Variants in SLC6A9 observed in about 807,000 individuals in gnomAD.
SLC6A9 encodes the protein sodium- and chloride-dependent glycine transporter 1.
A neutral mutation model predicts 70.9 loss-of-function variants in SLC6A9; 31 were observed. The ratio of observed to expected loss-of-function variants is 0.44; its 90% CI spans 0.33 to 0.59. The LOEUF (loss-of-function observed/expected upper bound fraction) is 0.59, where lower values mean the gene tolerates loss of function less well. Among genes scored for constraint, SLC6A9 ranks in the 20% least tolerant of loss-of-function variants. SLC6A9 has a pLI of 0.04. For missense variants in SLC6A9, 631 were observed against 845.2 expected (o/e 0.75, Z 3.14); for synonymous variants, 310 against 341.3 (o/e 0.91, Z 1.01).
chr1:44,019,748 C>T (rs1488004854), intron 2 of SLC6A9, among the ~76,000 whole-genome samples: 1 of 152,244 alleles, frequency 6.6e-6, no homozygotes, highest in Non-Finnish European at 1.5e-5. Flanking sequence ...ATGCTGACTC[C>T]CCCAGCTCCC....
At chr1:44,023,601 G>A (rs908250526) in intron 2 of SLC6A9, among the ~76,000 whole-genome samples, 9 of 152,066 alleles carry the variant, frequency 5.9e-5, no homozygotes, top group South Asian at 2.1e-4. Flanking sequence ...CTGAGATCAC[G>A]CCACTGCACT....
intron 2 of SLC6A9, among the ~76,000 whole-genome samples, chr1:44,015,418 A>G (rs1475620112): frequency 6.6e-6 from 1 of 152,174 alleles, no homozygotes; most frequent in Admixed American, 6.6e-5. Flanking sequence ...CCCCTCTGGG[A>G]CCCAGCAGGC....
chr1:43,997,855 C>T lies in SLC6A9; in HGVS notation c.1707G>A (p.Gln569=). 1 of 1,606,648 alleles carries T rather than the reference C, an allele frequency of 6.2e-7. No individual in the cohort carries two copies. The change falls in exon 13 of 14, where the codon CAG becomes CAA. Residue 569 remains glutamine, a splice_region_variant and synonymous_variant. Transcript: ENST00000372310. The surrounding 1 kb of genome is among the most constrained non-coding windows in gnomAD (Gnocchi z 4.4). ...LCRTDGDTLL[Q]RLKNATKPSR... Reference sequence around the variant, plus strand: ...CTACCCAGCCTGTCCCTGCCCTCACCTGGAGGAGGGTGTCCCCGTCTGTGC... The same window carrying T: ...CTACCCAGCCTGTCCCTGCCCTCACTTGGAGGAGGGTGTCCCCGTCTGTGC...
rs921762725 is a variant in SLC6A9 at position 44,013,907 on chromosome 1, C to A, written c.31-3025G>T. ...GTATGGCTTTTTTTCTCCCTCCTTG[C>A]ATAATCTTTCCTATTCTAAGCCTCT... On this transcript the variant is annotated intron_variant, in intron 2 of 13. Coordinates refer to ENST00000372310, the MANE Select transcript of SLC6A9 (RefSeq NM_001024845.3). The surrounding 1 kb of genome is among the most constrained non-coding windows in gnomAD (Gnocchi z 5.3). Among the ~76,000 whole-genome samples the A allele has an allele frequency of 1.3e-5, 2 of 152,114 alleles. No individual in the cohort carries two copies. The highest frequency in any genetic ancestry group is 4.8e-5 in the African/African-American group (2 of 41,428).
chr1:44,009,936 T>C, intron 4 of SLC6A9, 29 bp downstream of exon 4: 1 of 1,611,024 alleles, frequency 6.2e-7, no homozygotes, highest in Non-Finnish European at 8.5e-7. Flanking sequence ...TTTGTGTATG[T>C]GTGAGCGAGT....
Position 44,008,490 on chromosome 1 carries a change from C to T in SLC6A9, c.453G>A (p.Trp151Ter), listed in dbSNP as rs1461621348. 1 of 1,614,006 alleles carries T rather than the reference C, an allele frequency of 6.2e-7. No homozygotes were observed. Among genetic ancestry groups the T allele is most frequent in the East Asian group, 2.2e-5 (1 of 44,884 alleles). ...VLPWAYCNNPWNTHDCAGVLD... is the reference protein window; with the variant it reads ...VLPWAYCNNP ...GTACACCGGCGCAGTCATGCGTGTT[C>T]CAGGGGTTATTGCAGTAGGCCCAGG... The change falls in exon 5 of 14, where the codon TGG becomes TGA. Residue 151 changes from tryptophan to a stop codon, truncating the protein, a stop_gained. Coordinates refer to ENST00000372310, the MANE Select transcript of SLC6A9 (RefSeq NM_001024845.3). LOFTEE classifies it high-confidence loss of function.
chr1:44,000,979 C>A lies in SLC6A9; in HGVS notation c.1412G>T (p.Cys471Phe). ...FSLVVISCIM[C>F]VAIMYIYGHR... ...ACCGTAGATGTACATGATGGCCACACACATGATGCAGGAGATGACCACCAA... is the reference window on the plus strand; with the variant it reads ...ACCGTAGATGTACATGATGGCCACAAACATGATGCAGGAGATGACCACCAA... The change falls in exon 11 of 14, where the codon TGT (cysteine) becomes TTT (phenylalanine). Residue 471 changes from cysteine (C) to phenylalanine (F), a missense_variant. Physicochemically the swap from Cys to Phe is radical, Grantham distance 205. Transcript: ENST00000372310. 6.3e-7 allele frequency: 1 copy of A among 1,595,856 alleles called. No homozygotes were observed.
chr1:44,003,571 A>G (rs546043097), intron 5 of SLC6A9, among the ~76,000 whole-genome samples: 1 of 152,204 alleles, frequency 6.6e-6, no homozygotes, highest in Admixed American at 6.5e-5. Flanking sequence ...AGCCTGGCCA[A>G]TATGGTGAAA....
intron 2 of SLC6A9, among the ~76,000 whole-genome samples, chr1:44,015,202 C>T (rs959459033): frequency 4.6e-5 from 7 of 152,206 alleles, no homozygotes; most frequent in South Asian, 2.1e-4. Flanking sequence ...CAGAGCGAAC[C>T]GGGCCAGCCC....
intron 1 of SLC6A9, among the ~76,000 whole-genome samples, chr1:44,025,756 C>T (rs2086971553): frequency 6.6e-6 from 1 of 151,474 alleles, no homozygotes; most frequent in East Asian, 2.0e-4. Context: ...GCCGAGATTG[C>T]GCGACTGCAC....
Position 43,997,876 on chromosome 1 carries a change from T to A in SLC6A9, c.1686A>T (p.Thr562=). The change falls in exon 13 of 14, where the codon ACA becomes ACT. Residue 562 remains threonine, a synonymous_variant. Coordinates refer to ENST00000372310, the MANE Select transcript of SLC6A9 (RefSeq NM_001024845.3). The surrounding 1 kb of genome is among the most constrained non-coding windows in gnomAD (Gnocchi z 4.4). ...PLYAMFRLCR[T]DGDTLLQRLK... is the part of the protein sequence containing the mutation. ...TCACCTGGAGGAGGGTGTCCCCGTC[T>A]GTGCGGCAGAGCCGGAACATGGCGT... is the stretch of plus-strand genomic sequence containing the variant. 3 of 1,612,302 alleles carry A rather than the reference T, an allele frequency of 1.9e-6. No individual in the cohort carries two copies. Among genetic ancestry groups the A allele is most frequent in the Non-Finnish European group, 2.5e-6 (3 of 1,178,942 alleles).
intron 2 of SLC6A9, chr1:44,011,784 T>C: frequency 6.5e-7 from 1 of 1,537,258 alleles, no homozygotes; most frequent in South Asian, 1.2e-5. Context: ...CAGGGAAGAA[T>C]GTGGGGCCTG....
intron 5 of SLC6A9, among the ~76,000 whole-genome samples, chr1:44,005,032 G>T (rs993495459): frequency 5.9e-4 from 90 of 152,296 alleles, no homozygotes; most frequent in African/African-American, 2.1e-3. Flanking sequence ...GATTTAGGCT[G>T]CATTATCTCA....
rs575804422 is a variant in SLC6A9 at position 44,023,382 on chromosome 1, C to A, written c.30+866G>T. ...CCCAGGCCGGGTGCGGTGGCTCACA[C>A]CTGTAATCTCAGCACTTTGGAAGGC... On this transcript the variant is annotated intron_variant, in intron 2 of 13. Coordinates refer to ENST00000372310, the MANE Select transcript of SLC6A9 (RefSeq NM_001024845.3). Among the ~76,000 whole-genome samples the A allele has an allele frequency of 9.9e-5, 15 of 152,284 alleles. 1 individual carries two copies. In the South Asian group the frequency reaches 3.1e-3, roughly 32 times the overall value.
chr1:43,999,056 T>C (rs1211008874), intron 12 of SLC6A9, among the ~76,000 whole-genome samples: 1 of 151,612 alleles, frequency 6.6e-6, no homozygotes, highest in East Asian at 2.0e-4. Flanking sequence ...TATTCTAGAA[T>C]GCAAGACCCA....
intron 1 of SLC6A9, among the ~76,000 whole-genome samples, chr1:44,030,175 A>G (rs1243221304): frequency 6.6e-6 from 1 of 152,074 alleles, no homozygotes; most frequent in Non-Finnish European, 1.5e-5. Flanking sequence ...GTCTGGGAGC[A>G]GCGGCACCGC....
At position 43,997,527 on chromosome 1, in the gene SLC6A9, C is replaced by G; in HGVS notation, c.*18G>C. 1 of 1,608,426 alleles carries G rather than the reference C, an allele frequency of 6.2e-7. No homozygotes were observed. Among genetic ancestry groups the G allele is most frequent in the Non-Finnish European group, 8.5e-7 (1 of 1,176,250 alleles). On this transcript the variant is annotated 3_prime_UTR_variant, in exon 14 of 14. Transcript: ENST00000372310. This position sits in a 1 kb window ranked among gnomAD's most constrained non-coding sequence, Gnocchi z 4.4. ...GGAGCACGGGGTGGGGGTGGGGCCACTCCCCTGGCAGCTGTGCTCATATCC... is the reference window on the plus strand; with the variant it reads ...GGAGCACGGGGTGGGGGTGGGGCCAGTCCCCTGGCAGCTGTGCTCATATCC...
At chr1:44,028,123 A>G (rs7523468) in intron 1 of SLC6A9, among the ~76,000 whole-genome samples, 97,602 of 152,072 alleles carry the variant, frequency 0.64, 32,135 homozygotes, top group African/African-American at 0.78. Flanking sequence ...GGGTCTAAAG[A>G]AGTTAATTAG....
At chr1:44,026,657 T>TAA (rs1299068646) in intron 1 of SLC6A9, among the ~76,000 whole-genome samples, 1 of 130,892 alleles carries the variant, frequency 7.6e-6, no homozygotes, top group Non-Finnish European at 1.6e-5. Context: ...AGACATTGTC[T>TAA]AAAAAAAAAA....
Sources: allele counts gnomAD v4.1 joint callset (sites outside exome capture counted in the v4.1 genomes callset), GRCh38; gene constraint gnomAD v4.1.1; non-coding constraint Gnocchi (gnomAD v3.1); transcripts MANE v1.5; gene names NCBI Gene and HGNC (gene_info 2026-07-23, HGNC 2026-07-21).